Variants in GALNT17 observed in about 807,000 individuals in gnomAD.
The protein encoded by GALNT17 is polypeptide N-acetylgalactosaminyltransferase 17.
Under a neutral mutation model 63.7 loss-of-function variants are expected in GALNT17, and 29 were observed. The observed-to-expected ratio is 0.46, with a 90% CI of 0.34 to 0.62. The LOEUF is 0.62. GALNT17 is among the 20% of genes least tolerant of loss of function. The pLI is 0.01. For missense variants in GALNT17, 603 were observed against 799.6 expected (o/e 0.75, Z 2.97); for synonymous variants, 305 against 318.3 (o/e 0.96, Z 0.45).
chr7:71,206,963 G>C (rs1228262802), intron 1 of GALNT17, among the ~76,000 whole-genome samples: 1 of 152,148 alleles, frequency 6.6e-6, no homozygotes, highest in Non-Finnish European at 1.5e-5. Context: ...AAAAATAGCT[G>C]GGCGTGGTGG....
intron 9 of GALNT17, among the ~76,000 whole-genome samples, chr7:71,698,123 C>CAAAA (rs10708106): frequency 6.5e-5 from 7 of 107,738 alleles, no homozygotes; most frequent in South Asian, 5.9e-4. Context: ...GACTCTGTCT[C>CAAAA]AAAAAAAAAA....
At chr7:71,238,684 A>G (rs922135165) in intron 1 of GALNT17, among the ~76,000 whole-genome samples, 2 of 152,042 alleles carry the variant, frequency 1.3e-5, no homozygotes, top group Non-Finnish European at 2.9e-5. Flanking sequence ...GCGGTTAAAC[A>G]CCCATTCATA....
In GALNT17 at chr7:71,335,585, G is replaced by A; in HGVS notation, c.274G>A (p.Gly92Ser). Residue 92 changes from glycine (G) to serine (S), a missense_variant, in exon 2 of 11, where the codon GGT (glycine) becomes AGT (serine). Physicochemically the swap from Gly to Ser is moderately conservative, Grantham distance 56. Around this residue, in one of 3 missense-constraint regions of GALNT17, gnomAD observed 195 missense variants for 215.0 expected, o/e 0.91. Transcript: ENST00000333538. The part of the protein sequence containing the change: ...SKSLGLIEGY[G>S]GRGKGGLPAT... Reference sequence around the variant, plus strand: ...ATCCCTTGGGCTCATTGAAGGTTATGGTGGGCGGGGTAAAGGGGGCCTTCC... The same window carrying A: ...ATCCCTTGGGCTCATTGAAGGTTATAGTGGGCGGGGTAAAGGGGGCCTTCC... 1 of 1,609,984 alleles carries A rather than the reference G, an allele frequency of 6.2e-7. No individual in the cohort carries two copies. Among genetic ancestry groups the A allele is most frequent in the Non-Finnish European group, 8.5e-7 (1 of 1,178,246 alleles).
intron 1 of GALNT17, among the ~76,000 whole-genome samples, chr7:71,265,737 G>A (rs1790481565): frequency 6.6e-6 from 1 of 152,202 alleles, no homozygotes; most frequent in Non-Finnish European, 1.5e-5. Flanking sequence ...TGAGGTCCAT[G>A]GGTGGAGGCG....
chr7:71,219,318 C>T (rs947183130), intron 1 of GALNT17, among the ~76,000 whole-genome samples: 12 of 152,156 alleles, frequency 7.9e-5, no homozygotes, highest in Admixed American at 4.6e-4. Flanking sequence ...TCATTCTAGC[C>T]TTTACCAATA....
At chr7:71,654,851 C>G (rs998345550) in intron 6 of GALNT17, among the ~76,000 whole-genome samples, 60 of 152,242 alleles carry the variant, frequency 3.9e-4, no homozygotes, top group African/African-American at 1.3e-3. Context: ...AGCAGTGGCA[C>G]GATCTCGGCT....
At chr7:71,290,078 C>G (rs888138106) in intron 1 of GALNT17, among the ~76,000 whole-genome samples, 1 of 152,074 alleles carries the variant, frequency 6.6e-6, no homozygotes, top group African/African-American at 2.4e-5. Flanking sequence ...TCAGGTTCAT[C>G]ATTTTAACCA....
intron 5 of GALNT17, among the ~76,000 whole-genome samples, chr7:71,433,137 A>G (rs1786899253): frequency 6.6e-6 from 1 of 152,144 alleles, no homozygotes; most frequent in Non-Finnish European, 1.5e-5. Context: ...TAAAGTAAAA[A>G]TAGAGGAAAG....
chr7:71,396,593 A>C (rs1054322610), intron 3 of GALNT17, among the ~76,000 whole-genome samples: 1 of 152,126 alleles, frequency 6.6e-6, no homozygotes, highest in Non-Finnish European at 1.5e-5. Context: ...TGTTATGTCT[A>C]TTCTGGGTTC....
intron 5 of GALNT17, among the ~76,000 whole-genome samples, chr7:71,555,738 C>A (rs1251684924): frequency 1.3e-5 from 2 of 152,166 alleles, no homozygotes; most frequent in African/African-American, 4.8e-5. Context: ...TTCAAGATTC[C>A]CTCGTTGATC....
At chr7:71,153,849 A>G (rs754719286) in intron 1 of GALNT17, among the ~76,000 whole-genome samples, 1 of 152,144 alleles carries the variant, frequency 6.6e-6, no homozygotes, top group East Asian at 1.9e-4. Flanking sequence ...CGGAACTTGC[A>G]GTAAACCAAG....
intron 3 of GALNT17, among the ~76,000 whole-genome samples, chr7:71,402,846 G>A (rs1248309330): frequency 6.6e-6 from 1 of 152,132 alleles, no homozygotes; most frequent in African/African-American, 2.4e-5. Context: ...GTGTCGCTGA[G>A]GCTCTGAGTG....
chr7:71,396,103 A>G (rs1274285345), intron 3 of GALNT17, among the ~76,000 whole-genome samples: 1 of 152,066 alleles, frequency 6.6e-6, no homozygotes, highest in Non-Finnish European at 1.5e-5. Flanking sequence ...GGATGCACAA[A>G]AGTTTTTAAT....
chr7:71,547,050 G>A (rs1788996749), intron 5 of GALNT17, among the ~76,000 whole-genome samples: 1 of 151,858 alleles, frequency 6.6e-6, no homozygotes, highest in African/African-American at 2.4e-5. Flanking sequence ...GGAGTGCAGT[G>A]GTGTGATCCT....
At chr7:71,490,510 C>A (rs1169372725) in intron 5 of GALNT17, among the ~76,000 whole-genome samples, 3 of 152,038 alleles carry the variant, frequency 2.0e-5, no homozygotes. Context: ...TGAGGCCAGA[C>A]TAGTTGGTGT....
At chr7:71,543,302 CAAT>C (rs1326500182) in intron 5 of GALNT17, among the ~76,000 whole-genome samples, 2 of 151,952 alleles carry the variant, frequency 1.3e-5, no homozygotes, top group African/African-American at 4.8e-5. Flanking sequence ...TGCTAGAAGC[CAAT>C]ATTATGACAC....
chr7:71,462,403 A>G (rs929076732), intron 5 of GALNT17, among the ~76,000 whole-genome samples: 11 of 152,236 alleles, frequency 7.2e-5, no homozygotes, highest in African/African-American at 2.7e-4. Context: ...AGTGGGATTT[A>G]TAGCTAAGTA....
chr7:71,329,293 A>G (rs1213819942), intron 1 of GALNT17, among the ~76,000 whole-genome samples: 5 of 152,150 alleles, frequency 3.3e-5, no homozygotes, highest in Admixed American at 2.6e-4. Flanking sequence ...TCCAGGGCGA[A>G]TGAGTAAGAG....
At chr7:71,407,249 C>T (rs73362023) in intron 3 of GALNT17, among the ~76,000 whole-genome samples, 6,798 of 152,224 alleles carry the variant, frequency 0.045, 549 homozygotes, top group African/African-American at 0.16. Flanking sequence ...CAGAGGTAGA[C>T]TTGGAAACCC....
Sources: gnomAD v4.1 joint callset for allele counts (sites outside exome capture counted in the v4.1 genomes callset) on GRCh38, gnomAD v4.1.1 for gene constraint, gnomAD v4.1.1 regional missense constraint, MANE v1.5 for transcripts, NCBI Gene and HGNC (gene_info 2026-07-23, HGNC 2026-07-21) for gene names.